Variants in PHGR1 observed in about 807,000 individuals in gnomAD.
PHGR1 encodes the protein proline, histidine and glycine rich 1.
In PHGR1, 3 loss-of-function variants were observed where a neutral mutation model predicts 4.9. The ratio of observed to expected loss-of-function variants is 0.61; its 90% CI spans 0.28 to 1.58. The LOEUF (loss-of-function observed/expected upper bound fraction) is 1.58. Ranked by LOEUF, PHGR1 falls within the 40% of genes most tolerant of loss-of-function variation. The probability of loss-of-function intolerance (pLI) is 0.11; values close to 1 mark genes in which losing one functional copy is unlikely to be tolerated. For missense variants in PHGR1, 81 were observed against 118.7 expected (o/e 0.68, Z 1.48); for synonymous variants, 32 against 46.1 (o/e 0.69, Z 1.24).
intron 2 of PHGR1, 70 bp downstream of exon 2, chr15:40,353,337 C>A (rs1437014821): frequency 6.5e-7 from 1 of 1,545,532 alleles, no homozygotes; most frequent in Non-Finnish European, 8.8e-7. Flanking sequence ...AAGGCAGGGA[C>A]TATCAGTCAG....
intron 2 of PHGR1, 92 bp downstream of exon 2, chr15:40,353,359 G>T: frequency 6.6e-7 from 1 of 1,507,872 alleles, no homozygotes; most frequent in Non-Finnish European, 9.0e-7. Flanking sequence ...CATAACTAGT[G>T]CGTGCCAAAA....
intron 1 of PHGR1, among the ~76,000 whole-genome samples, chr15:40,351,477 G>A (rs374374697): frequency 2.2e-4 from 33 of 151,966 alleles, no homozygotes; most frequent in Middle Eastern, 3.2e-3. Context: ...TCTCCTCCCC[G>A]CAAAGCCCAG....
chr15:40,353,461 A>G lies in PHGR1; in HGVS notation c.10+194A>G, dbSNP rs945505445. 21 of 687,674 alleles carry G rather than the reference A, an allele frequency of 3.1e-5. No individual in the cohort carries two copies. The African/African-American group carries it at 3.6e-4, about 12-fold the overall frequency. 42.6% of individuals were successfully genotyped at this position (687,674 alleles called of 1,614,324 possible). ...TACTGTAGAACATGTTACAGTTTAA[A>G]AAGCATGCTTACTCATCATGTTCTT... On this transcript the variant is annotated intron_variant, in intron 2 of 3. Coordinates refer to ENST00000448599, the MANE Select transcript of PHGR1 (RefSeq NM_001145643.2).
rs766681856 is a variant in PHGR1, at chr15:40,354,263, T to A, written c.11-82T>A. ...AGGGGTGTGGGCACAAAATCCTTAGTGCCAGGGAGAAGACAGGTTTTTTTT... is the reference window on the plus strand; with the variant it reads ...AGGGGTGTGGGCACAAAATCCTTAGAGCCAGGGAGAAGACAGGTTTTTTTT... On this transcript the variant is annotated intron_variant, in intron 2 of 3. Transcript: ENST00000448599. 9 of 1,474,742 alleles carry A rather than the reference T, an allele frequency of 6.1e-6. No individual in the cohort carries two copies. The South Asian group carries it at 8.5e-5, about 14-fold the overall frequency. The allele number at this position is 1,474,742 out of a possible 1,614,324, so 91.4% of individuals were successfully genotyped here. A position where few individuals can be genotyped will look rare whatever the true frequency, so the allele number is the denominator to read the frequency against.
intron 2 of PHGR1, chr15:40,353,540 G>A: frequency 2.2e-6 from 1 of 453,318 alleles, no homozygotes; most frequent in Non-Finnish European, 4.0e-6. Context: ...GCCCAGGGGA[G>A]CTAGGGGTTA....
Position 40,356,144 on chromosome 15 carries a change from G to A in PHGR1, c.90G>A (p.Gly30=), listed in dbSNP as rs1485523784. Residue 30 remains glycine (G), a synonymous_variant, in exon 4 of 4, where the codon GGG becomes GGA. Transcript: ENST00000448599. ...HCGPPPGHGP[G]PCGPPPHHGP... The stretch of plus-strand genomic sequence containing the variant: ...GGCCACCCCCTGGCCATGGCCCAGG[G>A]CCCTGCGGGCCACCCCCCCACCATG... The A allele has an allele frequency of 6.5e-7, 1 of 1,540,996 alleles. No individual in the cohort carries two copies. Among genetic ancestry groups the A allele is most frequent in the South Asian group, 1.2e-5 (1 of 83,478 alleles).
chr15:40,355,270 C>G (rs148919661), intron 3 of PHGR1, among the ~76,000 whole-genome samples: 109 of 152,190 alleles, frequency 7.2e-4, no homozygotes, highest in Non-Finnish European at 1.2e-3. Flanking sequence ...CCTCTTCTGA[C>G]TGAGGCAGAA....
chr15:40,352,879 A>C (rs576813645), intron 1 of PHGR1, among the ~76,000 whole-genome samples: 3 of 152,322 alleles, frequency 2.0e-5, no homozygotes, highest in African/African-American at 7.2e-5. Context: ...GGATATTGAA[A>C]TCTTCCCAAG....
chr15:40,352,921 TA>T (rs2141254427), intron 1 of PHGR1, among the ~76,000 whole-genome samples: 2 of 152,276 alleles, frequency 1.3e-5, no homozygotes, highest in East Asian at 3.9e-4. Flanking sequence ...TTGTTGAGTC[TA>T]GGGGGGCAAG....
chr15:40,353,872 T>TCA (rs1392804049), intron 2 of PHGR1: 3 of 186,468 alleles, frequency 1.6e-5, no homozygotes, highest in Non-Finnish European at 3.4e-5. Context: ...GAACAGAAGG[T>TCA]CATAAACAGG....
At chr15:40,354,212 C>T (rs371085077) in intron 2 of PHGR1, 133 bp from the exon 3 acceptor site, 2 of 876,280 alleles carry the variant, frequency 2.3e-6, no homozygotes, top group African/African-American at 1.7e-5. Context: ...AGGCAAGTGA[C>T]CATGTCTGAG....
At chr15:40,353,387 T>G in intron 2 of PHGR1, 120 bp downstream of exon 2, 1 of 1,306,554 alleles carries the variant, frequency 7.7e-7, no homozygotes, top group Non-Finnish European at 1.1e-6. Flanking sequence ...TGCGTGTGTG[T>G]TTGTATGAAG....
At chr15:40,352,235 GA>G (rs1346270877) in intron 1 of PHGR1, among the ~76,000 whole-genome samples, 2 of 151,828 alleles carry the variant, frequency 1.3e-5, no homozygotes, top group East Asian at 1.9e-4. Context: ...AGGCTCCCTA[GA>G]AAAAAAAGAG....
intron 2 of PHGR1, 26 bp downstream of exon 2, chr15:40,353,293 G>T: frequency 1.3e-6 from 2 of 1,551,602 alleles, no homozygotes; most frequent in Non-Finnish European, 1.7e-6. Context: ...GAGAGGCTGG[G>T]AATTGGAAGA....
chr15:40,353,048 A>G (rs1161927659), intron 1 of PHGR1, among the ~76,000 whole-genome samples, 184 bp from the exon 2 acceptor site: 3 of 151,868 alleles, frequency 2.0e-5, no homozygotes, highest in Non-Finnish European at 4.4e-5. Context: ...CTACAGTGCC[A>G]GCTCTATATT....
chr15:40,356,360 C>CCT lies in PHGR1; in HGVS notation c.*58_*59dup. On this transcript the variant is annotated 3_prime_UTR_variant, in exon 4 of 4. Transcript: ENST00000448599. The stretch of plus-strand genomic sequence containing the variant: ...AAGCCTGAGAGAATTGCCCAGCTGA[C>CCT]CTGGAATGAGGCCTAAACCACAATC... 1 of 1,549,488 alleles carries CCT rather than the reference C, an allele frequency of 6.5e-7. No homozygotes were observed. The highest frequency in any genetic ancestry group is 8.7e-7 in the Non-Finnish European group (1 of 1,146,364).
intron 3 of PHGR1, among the ~76,000 whole-genome samples, chr15:40,355,073 C>T (rs973692753): frequency 1.3e-5 from 2 of 152,050 alleles, no homozygotes; most frequent in African/African-American, 4.8e-5. Context: ...AGCATAGCCC[C>T]GCCCTGCTCC....
intron 1 of PHGR1, among the ~76,000 whole-genome samples, chr15:40,352,617 A>AC (rs1420864854): frequency 2.0e-5 from 3 of 152,006 alleles, no homozygotes; most frequent in Admixed American, 2.0e-4. Context: ...AGCAGCTAGG[A>AC]CCCCATGGAA....
intron 3 of PHGR1, among the ~76,000 whole-genome samples, chr15:40,355,016 C>T (rs531055342): frequency 6.6e-6 from 1 of 152,264 alleles, no homozygotes; most frequent in South Asian, 2.1e-4. Flanking sequence ...TAATCAAGCC[C>T]TAGGAGGCAG....
Sources: gnomAD v4.1 joint callset for allele counts (sites outside exome capture counted in the v4.1 genomes callset) on GRCh38, gnomAD v4.1.1 for gene constraint, MANE v1.5 for transcripts, NCBI Gene and HGNC (gene_info 2026-07-23, HGNC 2026-07-21) for gene names.